TENM2: variants seen among roughly 807,000 people sequenced by gnomAD.
The protein encoded by TENM2 is teneurin-2.
Under a neutral mutation model 245.2 loss-of-function variants are expected in TENM2, and 52 were observed. That is an observed-to-expected ratio of 0.21 (90% CI 0.17 to 0.27). The LOEUF (loss-of-function observed/expected upper bound fraction) is 0.27, where lower values mean the gene tolerates loss of function less well. TENM2 is among the 10% of genes least tolerant of loss of function. The probability of loss-of-function intolerance (pLI) is 1.00; values close to 1 mark genes in which losing one functional copy is unlikely to be tolerated. For synonymous variants in TENM2, 1,363 were observed against 1,438.9 expected, an observed-to-expected ratio of 0.95 and a Z score of 1.19; for missense variants, 3,046 against 3,666.8, an observed-to-expected ratio of 0.83 and a Z score of 4.37.
rs1442811944 is a variant in TENM2 at position 167,907,838 on chromosome 5, C to T, written c.712+31643C>T. Among the ~76,000 whole-genome samples the T allele has an allele frequency of 2.0e-5, 3 of 151,836 alleles. No homozygotes were observed. The East Asian group carries it at 5.8e-4, about 29-fold the overall frequency. On this transcript the variant is annotated intron_variant, in intron 3 of 28. Transcript: ENST00000518659. ...CCACAGAGATAAAAGTTCCACGAAC[C>T]TTGCATTAATAACCATGCAGCCAAT...
chr5:167,460,280 G>A (rs540345935), intron 2 of TENM2, among the ~76,000 whole-genome samples: 436 of 152,168 alleles, frequency 2.9e-3, no homozygotes, highest in Admixed American at 6.0e-3. Context: ...TAAATGTATA[G>A]CATTATGTAT....
At chr5:167,284,624 A>G (rs1373730110), upstream of TENM2, among the ~76,000 whole-genome samples, 1 of 152,220 alleles carries the variant, frequency 6.6e-6, no homozygotes, top group Non-Finnish European at 1.5e-5. Context: ...TTTAGTTAAC[A>G]TTAAACTTTT....
chr5:167,396,125 TTA>T (rs1762035185), intron 2 of TENM2, among the ~76,000 whole-genome samples: 1 of 152,128 alleles, frequency 6.6e-6, no homozygotes, highest in African/African-American at 2.4e-5. Context: ...TTCAAAAGAA[TTA>T]AAATCAGAAT....
the TENM2 span, among the ~76,000 whole-genome samples, chr5:167,136,641 T>C: frequency 6.6e-6 from 1 of 152,192 alleles, no homozygotes; most frequent in Non-Finnish European, 1.5e-5. Context: ...GTAATGTCAC[T>C]CAAATGAGAA....
At chr5:167,923,102 T>G (rs1299159915) in intron 3 of TENM2, among the ~76,000 whole-genome samples, 1 of 152,172 alleles carries the variant, frequency 6.6e-6, no homozygotes, top group Non-Finnish European at 1.5e-5. Context: ...GGCAGGTAGA[T>G]CACCTGAGTT....
At chr5:167,246,232 A>G in the TENM2 span, among the ~76,000 whole-genome samples, 3 of 152,128 alleles carry the variant, frequency 2.0e-5, no homozygotes, top group African/African-American at 7.2e-5. Context: ...AGAAGAAGAG[A>G]GGATTGTTAT....
At chr5:167,895,215 C>T (rs761932659) in intron 3 of TENM2, among the ~76,000 whole-genome samples, 4 of 151,964 alleles carry the variant, frequency 2.6e-5, no homozygotes, top group Non-Finnish European at 4.4e-5. Flanking sequence ...TCCTCCTCTT[C>T]CTCTCCCCCT....
chr5:167,894,663 C>A (rs1183399241), intron 3 of TENM2, among the ~76,000 whole-genome samples: 2 of 152,158 alleles, frequency 1.3e-5, no homozygotes, highest in African/African-American at 4.8e-5. Flanking sequence ...GTATCCTCAA[C>A]ACCCAACAGT....
the TENM2 span, among the ~76,000 whole-genome samples, chr5:167,245,622 G>T: frequency 6.6e-6 from 1 of 151,328 alleles, no homozygotes; most frequent in Non-Finnish European, 1.5e-5. Context: ...CCTGATTATT[G>T]AGTATAGGAC....
At chr5:167,879,672 GTTTTT>G (rs950466070) in intron 3 of TENM2, among the ~76,000 whole-genome samples, 1 of 151,890 alleles carries the variant, frequency 6.6e-6, no homozygotes, top group African/African-American at 2.4e-5. Context: ...AAACATTGAG[GTTTTT>G]TTTAAAGTTT....
chr5:167,121,617 G>A, the TENM2 span, among the ~76,000 whole-genome samples: 4 of 152,220 alleles, frequency 2.6e-5, no homozygotes. Flanking sequence ...TTAGGGTCTT[G>A]CTCAGTGGCC....
intron 2 of TENM2, among the ~76,000 whole-genome samples, chr5:167,698,920 G>A (rs568797689): frequency 6.6e-6 from 1 of 151,906 alleles, no homozygotes; most frequent in Non-Finnish European, 1.5e-5. Flanking sequence ...CTGACCTTGT[G>A]ATCTGCCTGC....
intron 5 of TENM2, among the ~76,000 whole-genome samples, chr5:168,023,801 C>T (rs1432385265): frequency 2.0e-5 from 3 of 152,142 alleles, no homozygotes; most frequent in African/African-American, 7.2e-5. Context: ...TCTCTTGCCA[C>T]CTGCCCTGGG....
chr5:168,049,871 C>T (rs1399627570), intron 6 of TENM2, among the ~76,000 whole-genome samples: 4 of 152,142 alleles, frequency 2.6e-5, no homozygotes, highest in African/African-American at 4.8e-5. Flanking sequence ...GATGCAATCT[C>T]GGCTCACTGC....
At chr5:168,058,213 T>C (rs1323873248) in intron 6 of TENM2, among the ~76,000 whole-genome samples, 2 of 152,242 alleles carry the variant, frequency 1.3e-5, no homozygotes, top group Non-Finnish European at 2.9e-5. Flanking sequence ...AGTAAATCTT[T>C]GTTAAGGCTC....
intron 2 of TENM2, among the ~76,000 whole-genome samples, chr5:167,645,114 T>C (rs536006122): frequency 6.6e-6 from 1 of 152,334 alleles, no homozygotes; most frequent in East Asian, 1.9e-4. Context: ...ATTACTGTCA[T>C]ACATGGGGTC....
chr5:168,002,171 T>C (rs909487850), intron 5 of TENM2, among the ~76,000 whole-genome samples: 1 of 152,218 alleles, frequency 6.6e-6, no homozygotes, highest in African/African-American at 2.4e-5. Flanking sequence ...CCTCCAACCT[T>C]TACATTTCTT....
At chr5:167,373,821 G>A (rs1025233868) in intron 1 of TENM2, among the ~76,000 whole-genome samples, 7 of 152,176 alleles carry the variant, frequency 4.6e-5, no homozygotes, top group Non-Finnish European at 8.8e-5. Flanking sequence ...CACCTAAAAT[G>A]CTGGGCTATG....
chr5:167,499,893 T>C (rs1192956506), intron 2 of TENM2, among the ~76,000 whole-genome samples: 29 of 148,740 alleles, frequency 1.9e-4, no homozygotes, highest in South Asian at 4.3e-4. Context: ...TGTGTGTGTA[T>C]ATGTGTATGT....
Sources: allele counts gnomAD v4.1 joint callset (sites outside exome capture counted in the v4.1 genomes callset), GRCh38; gene constraint gnomAD v4.1.1; transcripts MANE v1.5; gene names NCBI Gene and HGNC (gene_info 2026-07-23, HGNC 2026-07-21).